DHX15: variants seen among roughly 807,000 people sequenced by gnomAD.
DHX15 encodes the protein DEAH-box helicase 15, also known as ATP-dependent RNA helicase DHX15.
Under a neutral mutation model 94.4 loss-of-function variants are expected in DHX15, and 11 were observed. That is an observed-to-expected ratio of 0.12 (90% CI 0.07 to 0.19). The LOEUF is 0.19. DHX15 is among the 10% of genes least tolerant of loss of function. The probability of loss-of-function intolerance (pLI) is 1.00; values close to 1 mark genes in which losing one functional copy is unlikely to be tolerated. For synonymous variants in DHX15, 338 were observed against 329.9 expected (o/e 1.02, Z -0.27); for missense variants, 304 against 988.5 (o/e 0.31, Z 9.29).
At position 24,584,499 on chromosome 4, in the gene DHX15, A is replaced by G. The variant is rs1030915142; in HGVS notation, c.-106T>C. The G allele has an allele frequency of 1.6e-4, 174 of 1,093,830 alleles. No homozygotes were observed. Among genetic ancestry groups the G allele is most frequent in the Non-Finnish European group, 2.2e-4 (167 of 768,238 alleles). 67.8% of individuals were successfully genotyped at this position (1,093,830 alleles called of 1,614,324 possible). A position where few individuals can be genotyped will look rare whatever the true frequency, so the allele number is the denominator to read the frequency against. On this transcript the variant is annotated 5_prime_UTR_variant, in exon 1 of 14. Transcript: ENST00000336812. ...CTGGAGGACCCCCACCCCTCCCGCTACTACAGCCCACACGGTGCGGCCGGA... is the reference window on the plus strand; with the variant it reads ...CTGGAGGACCCCCACCCCTCCCGCTGCTACAGCCCACACGGTGCGGCCGGA...
Position 24,570,656 on chromosome 4 carries a change from A to G in DHX15, c.699T>C (p.Leu233=). The change falls in exon 3 of 14, where the codon CTT becomes CTC. Residue 233 remains leucine (L), a splice_region_variant and synonymous_variant. Transcript: ENST00000336812. ...FEDCSSAKTI[L]KYMTDGMLLR... is the part of the protein sequence containing the mutation. Reference sequence around the variant, plus strand: ...GTCATTAAAGATATAGTACTTACTTAAGAATGGTTTTTGCACTACTGCAGT... The same window carrying G: ...GTCATTAAAGATATAGTACTTACTTGAGAATGGTTTTTGCACTACTGCAGT... The G allele has an allele frequency of 2.5e-6, 4 of 1,613,976 alleles. No individual in the cohort carries two copies. The highest frequency in any genetic ancestry group is 3.4e-6 in the Non-Finnish European group (4 of 1,179,870).
In DHX15 at chr4:24,527,859, G is replaced by T; in HGVS notation, c.*65C>A. 8.4e-7 allele frequency: 1 copy of T among 1,193,102 alleles called. No homozygotes were observed. The highest frequency in any genetic ancestry group is 1.2e-6 in the Non-Finnish European group (1 of 803,642). The allele number at this position is 1,193,102 out of a possible 1,614,324, so 73.9% of individuals were successfully genotyped here. A position where few individuals can be genotyped will look rare whatever the true frequency, so the allele number is the denominator to read the frequency against. On this transcript the variant is annotated 3_prime_UTR_variant, in exon 14 of 14. Transcript: ENST00000336812. Reference sequence around the variant, plus strand: ...CGAACCAACGTGAAGAGCACAACTCGAACTTTTGAGTTCATTCATCTTTTA... The same window carrying T: ...CGAACCAACGTGAAGAGCACAACTCTAACTTTTGAGTTCATTCATCTTTTA...
chr4:24,569,700 C>CCTACACAA (rs1196604751), intron 3 of DHX15, among the ~76,000 whole-genome samples: 1 of 151,882 alleles, frequency 6.6e-6, no homozygotes, highest in African/African-American at 2.4e-5. Context: ...CATATCACTG[C>CCTACACAA]CTACACAACG....
chr4:24,529,865 T>C, intron 12 of DHX15, 95 bp from the exon 13 acceptor site: 1 of 1,242,108 alleles, frequency 8.1e-7, no homozygotes, highest in African/African-American at 1.5e-5. Context: ...GCCTCCCTTT[T>C]ACTTTTCATT....
At chr4:24,559,898 AAATT>A (rs1187206916) in intron 3 of DHX15, among the ~76,000 whole-genome samples, 12 of 152,210 alleles carry the variant, frequency 7.9e-5, no homozygotes, top group East Asian at 3.8e-4. Context: ...ACACTAGTCT[AAATT>A]AATCAAATTA....
chr4:24,553,799 AAAAG>A (rs1265145675), intron 5 of DHX15, among the ~76,000 whole-genome samples: 2 of 152,134 alleles, frequency 1.3e-5, no homozygotes, highest in Non-Finnish European at 2.9e-5. Flanking sequence ...CCCAAAAAGA[AAAAG>A]AAAAACCCTT....
intron 6 of DHX15, among the ~76,000 whole-genome samples, chr4:24,547,917 ATATATATATATATATATATATATAT>A (rs1721473433): frequency 2.9e-5 from 1 of 34,712 alleles, no homozygotes; most frequent in South Asian, 8.8e-4. Context: ...ATATATATAT[ATATATATATATATATATATATATAT>A]CTATATCTAT....
At chr4:24,556,455 T>C (rs759297217) in intron 3 of DHX15, 45 bp from the exon 4 acceptor site, 28 of 1,493,294 alleles carry the variant, frequency 1.9e-5, no homozygotes, top group Non-Finnish European at 2.5e-5. Flanking sequence ...GTTAGGTCAT[T>C]TTAAAACCAA....
At chr4:24,565,698 T>C (rs1472790133) in intron 3 of DHX15, among the ~76,000 whole-genome samples, 1 of 152,236 alleles carries the variant, frequency 6.6e-6, no homozygotes, top group African/African-American at 2.4e-5. Flanking sequence ...AGTCCCTCTC[T>C]AACTGGGTTA....
chr4:24,550,708 ACCTGCCTAAG>A (rs1166361104), intron 5 of DHX15, among the ~76,000 whole-genome samples: 1 of 152,172 alleles, frequency 6.6e-6, no homozygotes, highest in African/African-American at 2.4e-5. Context: ...CTCCTGAAGG[ACCTGCCTAAG>A]CCTGTTTTAC....
At chr4:24,556,048 G>A (rs1207242966) in intron 4 of DHX15, among the ~76,000 whole-genome samples, 1 of 152,048 alleles carries the variant, frequency 6.6e-6, no homozygotes, top group African/African-American at 2.4e-5. Flanking sequence ...AGAAGATTGG[G>A]CTTAAAAATG....
At chr4:24,554,070 T>A (rs1359747480) in intron 5 of DHX15, among the ~76,000 whole-genome samples, 4 of 151,818 alleles carry the variant, frequency 2.6e-5, no homozygotes, top group African/African-American at 9.7e-5. Context: ...TACAAAAAAT[T>A]AGCCGGGTGT....
chr4:24,532,289 C>T (rs186480271), intron 12 of DHX15, among the ~76,000 whole-genome samples: 1 of 152,270 alleles, frequency 6.6e-6, no homozygotes, highest in African/African-American at 2.4e-5. Context: ...ACGTTTTTGG[C>T]TTTTGCAGTA....
chr4:24,538,558 T>C (rs1217915246), intron 10 of DHX15: 1 of 152,106 alleles, frequency 6.6e-6, no homozygotes, highest in Admixed American at 6.6e-5. Flanking sequence ...TATTTTAATG[T>C]CAAACAAAGC....
chr4:24,543,234 T>C (rs867420919), intron 6 of DHX15, among the ~76,000 whole-genome samples: 63 of 152,128 alleles, frequency 4.1e-4, no homozygotes, highest in African/African-American at 1.4e-3. Context: ...CAACAGCAAC[T>C]TCTTTCTCAA....
intron 6 of DHX15, among the ~76,000 whole-genome samples, chr4:24,545,618 T>C (rs1035138814): frequency 3.3e-5 from 5 of 151,998 alleles, no homozygotes; most frequent in African/African-American, 1.2e-4. Flanking sequence ...TAAGGCTAAA[T>C]ACACACACAC....
chr4:24,545,826 G>A (rs979577039), intron 6 of DHX15, among the ~76,000 whole-genome samples: 3 of 152,142 alleles, frequency 2.0e-5, no homozygotes, highest in Non-Finnish European at 4.4e-5. Context: ...ATTGTTACAT[G>A]CTTTCTAGAC....
chr4:24,532,437 C>T (rs575398814), intron 12 of DHX15, among the ~76,000 whole-genome samples: 13 of 152,218 alleles, frequency 8.5e-5, no homozygotes, highest in Admixed American at 7.2e-4. Flanking sequence ...CTTTTGGATC[C>T]GCTCAATTGC....
At chr4:24,532,820 G>GT in intron 12 of DHX15, 44 bp downstream of exon 12, 1 of 1,403,644 alleles carries the variant, frequency 7.1e-7, no homozygotes, top group Non-Finnish European at 9.7e-7. Context: ...AGAAATCAGT[G>GT]TCATATGAAT....
Sources: allele counts gnomAD v4.1 joint callset (sites outside exome capture counted in the v4.1 genomes callset), GRCh38; gene constraint gnomAD v4.1.1; transcripts MANE v1.5; gene names NCBI Gene and HGNC (gene_info 2026-07-23, HGNC 2026-07-21).